Variants in PHLDB2 observed in about 807,000 individuals in gnomAD.
PHLDB2 encodes the protein pleckstrin homology-like domain family B member 2.
In PHLDB2, 71 loss-of-function variants were observed where a neutral mutation model predicts 123.6. The observed-to-expected ratio is 0.57, with a 90% CI of 0.47 to 0.70. PHLDB2 has a LOEUF of 0.70. PHLDB2 is among the 30% of genes least tolerant of loss of function. The probability of loss-of-function intolerance (pLI) is 0.00; values close to 1 mark genes in which losing one functional copy is unlikely to be tolerated. For missense variants in PHLDB2, 1,446 were observed against 1,519.5 expected, an observed-to-expected ratio of 0.95 and a Z score of 0.80; for synonymous variants, 547 against 541.6, an observed-to-expected ratio of 1.01 and a Z score of -0.14.
At chr3:111,761,484 C>G (rs2059993377) in intron 1 of PHLDB2, among the ~76,000 whole-genome samples, 1 of 152,196 alleles carries the variant, frequency 6.6e-6, no homozygotes, top group Non-Finnish European at 1.5e-5. Context: ...ACAAATCCTT[C>G]ATCCTAAAAA....
chr3:111,821,113 A>C (rs2062356077), intron 1 of PHLDB2, among the ~76,000 whole-genome samples: 1 of 152,154 alleles, frequency 6.6e-6, no homozygotes, highest in African/African-American at 2.4e-5. Flanking sequence ...AGTGATTCTG[A>C]GTATCCAGTG....
chr3:111,893,758 C>CAAAA (rs35372627), intron 2 of PHLDB2, among the ~76,000 whole-genome samples: 1 of 136,600 alleles, frequency 7.3e-6, no homozygotes, highest in South Asian at 2.3e-4. Flanking sequence ...TTAAGGTAAG[C>CAAAA]AAAAAAAAAA....
intron 2 of PHLDB2, among the ~76,000 whole-genome samples, chr3:111,909,458 G>A (rs1239349173): frequency 6.6e-6 from 1 of 152,054 alleles, no homozygotes; most frequent in East Asian, 1.9e-4. Flanking sequence ...AATTAACTGG[G>A]CAAGTTTGCA....
At chr3:111,904,970 T>C (rs1382885558) in intron 2 of PHLDB2, among the ~76,000 whole-genome samples, 1 of 152,214 alleles carries the variant, frequency 6.6e-6, no homozygotes, top group African/African-American at 2.4e-5. Context: ...GATGATTTCA[T>C]CATCTTGCAA....
intron 12 of PHLDB2, chr3:111,961,896 G>A: frequency 1.8e-6 from 1 of 544,886 alleles, no homozygotes; most frequent in East Asian, 3.4e-5. Flanking sequence ...ATCCTGCTGA[G>A]GGGTAAGAGA....
At chr3:111,845,843 C>G (rs748544895) in exon 2 of PHLDB2, 1 of 1,614,128 alleles carries the variant, frequency 6.2e-7, no homozygotes, top group African/African-American at 1.3e-5. Context: ...CCCAGTTTAT[C>G]CTTTGAGATT....
intron 2 of PHLDB2, among the ~76,000 whole-genome samples, chr3:111,886,612 T>G (rs1240113152): frequency 6.6e-6 from 1 of 152,238 alleles, no homozygotes. Context: ...GTTTGACATT[T>G]TAGAGCAGTA....
At chr3:111,823,866 G>A (rs765554163) in intron 1 of PHLDB2, among the ~76,000 whole-genome samples, 2 of 152,196 alleles carry the variant, frequency 1.3e-5, no homozygotes, top group East Asian at 3.8e-4. Context: ...TGCAGTATGT[G>A]TGTATGTGTG....
chr3:111,775,520 G>A (rs2060253646), intron 1 of PHLDB2, among the ~76,000 whole-genome samples: 2 of 152,128 alleles, frequency 1.3e-5, no homozygotes, highest in Admixed American at 1.3e-4. Flanking sequence ...GTTCAGGAAG[G>A]GGTTTGGAAG....
intron 6 of PHLDB2, among the ~76,000 whole-genome samples, chr3:111,935,122 C>CAG (rs1399402984): frequency 4.0e-5 from 4 of 99,852 alleles, no homozygotes; most frequent in Non-Finnish European, 5.6e-5. Flanking sequence ...TTTTTTGAGA[C>CAG]AGAGTCTTGC....
intron 1 of PHLDB2, among the ~76,000 whole-genome samples, chr3:111,883,025 G>A (rs1380003158): frequency 6.6e-6 from 1 of 152,180 alleles, no homozygotes; most frequent in African/African-American, 2.4e-5. Context: ...GTCATAATTA[G>A]TGTCTGATGT....
intron 1 of PHLDB2, among the ~76,000 whole-genome samples, chr3:111,828,465 A>C (rs1406468728): frequency 3.9e-5 from 6 of 152,134 alleles, no homozygotes; most frequent in Non-Finnish European, 8.8e-5. Flanking sequence ...CTTAATAAAC[A>C]TTTTATGAAT....
intron 1 of PHLDB2, among the ~76,000 whole-genome samples, chr3:111,831,850 AG>A (rs2063053384): frequency 6.6e-6 from 1 of 152,218 alleles, no homozygotes; most frequent in African/African-American, 2.4e-5. Flanking sequence ...AGGATGTTGT[AG>A]TACCTTCTGC....
At chr3:111,955,460 A>C (rs2070996739) in intron 12 of PHLDB2, among the ~76,000 whole-genome samples, 2 of 152,004 alleles carry the variant, frequency 1.3e-5, no homozygotes, top group Non-Finnish European at 2.9e-5. Flanking sequence ...TTTACATATA[A>C]ATATTTGAGA....
chr3:111,864,530 AG>A (rs2064976870), intron 1 of PHLDB2, among the ~76,000 whole-genome samples: 1 of 152,172 alleles, frequency 6.6e-6, no homozygotes, highest in Non-Finnish European at 1.5e-5. Flanking sequence ...GCAGAAAAGG[AG>A]CTTTGTGCTG....
At chr3:111,798,687 T>TA (rs1455672126) in intron 1 of PHLDB2, among the ~76,000 whole-genome samples, 2 of 150,942 alleles carry the variant, frequency 1.3e-5, no homozygotes, top group Admixed American at 6.6e-5. Flanking sequence ...CTAATAAAAA[T>TA]AAAATAAAAT....
At chr3:111,859,737 G>C in intron 1 of PHLDB2, 161 bp downstream of exon 1, 1 of 985,464 alleles carries the variant, frequency 1.0e-6, no homozygotes, top group Non-Finnish European at 1.2e-6. Context: ...TGCCCGGGCC[G>C]AGGAGGGGCG....
At chr3:111,855,793 G>C (rs1254262254), upstream of PHLDB2, among the ~76,000 whole-genome samples, 2 of 151,816 alleles carry the variant, frequency 1.3e-5, no homozygotes, top group Non-Finnish European at 2.9e-5. Context: ...ACCATGCCCG[G>C]CTAATATTTT....
chr3:111,835,631 G>A (rs1378507232), intron 1 of PHLDB2, among the ~76,000 whole-genome samples: 1 of 152,136 alleles, frequency 6.6e-6, no homozygotes, highest in East Asian at 1.9e-4. Flanking sequence ...ATTTAGCTAA[G>A]GTTCAGAGAG....
Sources: gnomAD v4.1 joint callset for allele counts (sites outside exome capture counted in the v4.1 genomes callset) on GRCh38, gnomAD v4.1.1 for gene constraint, MANE v1.5 for transcripts, NCBI Gene and HGNC (gene_info 2026-07-23, HGNC 2026-07-21) for gene names.